Variants in ATG13 observed in about 807,000 individuals in gnomAD.
The protein encoded by ATG13 is autophagy related 13, also known as autophagy-related protein 13.
A neutral mutation model predicts 65.5 loss-of-function variants in ATG13; 23 were observed. The ratio of observed to expected loss-of-function variants is 0.35; its 90% CI spans 0.25 to 0.50. The LOEUF is 0.50. Ranked by LOEUF, ATG13 falls within the 20% of genes least tolerant of loss-of-function variation. The pLI is 0.98. For synonymous variants in ATG13, 252 were observed against 245.2 expected (o/e 1.03, Z -0.26); for missense variants, 566 against 677.0 (o/e 0.84, Z 1.82).
intron 1 of ATG13, among the ~76,000 whole-genome samples, chr11:46,627,413 A>G (rs1784524388): frequency 1.3e-5 from 2 of 152,102 alleles, no homozygotes; most frequent in Admixed American, 1.3e-4. Context: ...GAAATGTAAA[A>G]TTATAAATTA....
rs1475427116 is a variant in ATG13, at chr11:46,668,584, C to A, written c.1329+8C>A. 6.2e-7 allele frequency: 1 copy of A among 1,613,360 alleles called. No individual in the cohort carries two copies. Among genetic ancestry groups the A allele is most frequent in the Non-Finnish European group, 8.5e-7 (1 of 1,179,360 alleles). ...GAGGATACCGATCCAATGGTGAGCC[C>A]ACCGTTGACTACGAGTTCCCAGTAG... On this transcript the variant is annotated splice_region_variant and intron_variant, in intron 16 of 18. Coordinates refer to ENST00000683050, the MANE Select transcript of ATG13 (RefSeq NM_001346311.2).
intron 2 of ATG13, among the ~76,000 whole-genome samples, chr11:46,641,065 A>G (rs547951312): frequency 6.6e-6 from 1 of 152,324 alleles, no homozygotes; most frequent in Non-Finnish European, 1.5e-5. Context: ...AATGTTTATC[A>G]TCAGTAGAAT....
At chr11:46,621,750 A>G (rs770311566) in intron 1 of ATG13, among the ~76,000 whole-genome samples, 1 of 152,036 alleles carries the variant, frequency 6.6e-6, no homozygotes, top group Non-Finnish European at 1.5e-5. Context: ...GGCTTTATGC[A>G]GGGTACAGGG....
chr11:46,665,608 G>A (rs2062135565), intron 14 of ATG13, 89 bp downstream of exon 14: 2 of 1,496,916 alleles, frequency 1.3e-6, no homozygotes, highest in Non-Finnish European at 1.8e-6. Context: ...TTAGTAAAGA[G>A]TAACTTTCAG....
Position 46,664,970 on chromosome 11 carries a change from A to T in ATG13, c.999+11A>T. Reference sequence around the variant, plus strand: ...ACACACCCTCACCAGGTATCTTTAAAGATGGGGAGGACTATGGGTTTCCAG... The same window carrying T: ...ACACACCCTCACCAGGTATCTTTAATGATGGGGAGGACTATGGGTTTCCAG... On this transcript the variant is annotated intron_variant, in intron 13 of 18. Transcript: ENST00000683050. The T allele has an allele frequency of 6.2e-7, 1 of 1,610,150 alleles. No homozygotes were observed. Among genetic ancestry groups the T allele is most frequent in the Non-Finnish European group, 8.5e-7 (1 of 1,176,444 alleles).
chr11:46,668,726 C>T, intron 16 of ATG13, 68 bp from the exon 17 acceptor site: 1 of 1,510,714 alleles, frequency 6.6e-7, no homozygotes, highest in Admixed American at 1.7e-5. Context: ...CCAGAATTTT[C>T]AGATTGTTTA....
Position 46,672,520 on chromosome 11 carries a change from C to T in ATG13, c.*188C>T. 1 of 1,466,474 alleles carries T rather than the reference C, an allele frequency of 6.8e-7. No individual in the cohort carries two copies. Among genetic ancestry groups the T allele is most frequent in the Non-Finnish European group, 9.0e-7 (1 of 1,110,110 alleles). The allele number at this position is 1,466,474 out of a possible 1,614,324, so 90.8% of individuals were successfully genotyped here. The stretch of plus-strand genomic sequence containing the variant: ...GAGACTCCGTGGCGGCAGTCAAGCC[C>T]AGTGCCCAGTTGGAGAAGACTCACG... On this transcript the variant is annotated 3_prime_UTR_variant, in exon 19 of 19. Transcript: ENST00000683050.
chr11:46,650,362 C>A (rs372339614), intron 7 of ATG13, 45 bp downstream of exon 7: 61 of 1,578,992 alleles, frequency 3.9e-5, no homozygotes, highest in Non-Finnish European at 5.0e-5. Context: ...TCAACCCCCT[C>A]ACTTTGTACA....
intron 14 of ATG13, 105 bp downstream of exon 14, chr11:46,665,624 G>A (rs990942080): frequency 2.8e-6 from 4 of 1,425,546 alleles, no homozygotes; most frequent in Non-Finnish European, 3.8e-6. Flanking sequence ...TTCAGCATTG[G>A]CTGGGACATG....
intron 7 of ATG13, 38 bp downstream of exon 7, chr11:46,650,355 A>G (rs1401292556): frequency 1.0e-5 from 16 of 1,588,830 alleles, no homozygotes; most frequent in Middle Eastern, 1.7e-4. Flanking sequence ...TCACTCATCA[A>G]CCCCCTCACT....
chr11:46,653,859 G>A (rs995948982), intron 7 of ATG13, among the ~76,000 whole-genome samples: 6 of 152,020 alleles, frequency 3.9e-5, no homozygotes, highest in South Asian at 4.1e-4. Context: ...GTGAGCCACC[G>A]CGCCTGGCGA....
rs1357591633 is a variant in ATG13, at chr11:46,668,783, C to A, written c.1330-11C>A. The A allele has an allele frequency of 1.2e-6, 2 of 1,603,404 alleles. No individual in the cohort carries two copies. The highest frequency in any genetic ancestry group is 1.7e-6 in the Non-Finnish European group (2 of 1,171,368). On this transcript the variant is annotated splice_polypyrimidine_tract_variant and intron_variant, in intron 16 of 18. Transcript: ENST00000683050. ...CAGCATCAGCCCTAATCCTGCCTTG[C>A]TATGAAACAGGTGAATCCTCCAGAT...
intron 5 of ATG13, 127 bp from the exon 6 acceptor site, chr11:46,649,010 C>T (rs372910780): frequency 2.8e-5 from 20 of 710,150 alleles, no homozygotes; most frequent in Middle Eastern, 4.1e-4. Context: ...GAGGCTTGTT[C>T]GATTATAAGT....
chr11:46,638,673 A>T (rs2054833458), intron 2 of ATG13: 1 of 152,188 alleles, frequency 6.6e-6, no homozygotes, highest in African/African-American at 2.4e-5. Flanking sequence ...GAGTGAGATC[A>T]TGCAGTATTT....
Position 46,659,378 on chromosome 11 carries a change from T to A in ATG13, c.696-14T>A. On this transcript the variant is annotated splice_polypyrimidine_tract_variant and intron_variant, in intron 10 of 18. Transcript: ENST00000683050. Reference sequence around the variant, plus strand: ...ACCACCATAAAATTCATTATTTCTTTCTTTTCACTTTAGAACTGCTGGTGA... The same window carrying A: ...ACCACCATAAAATTCATTATTTCTTACTTTTCACTTTAGAACTGCTGGTGA... 6.3e-7 allele frequency: 1 copy of A among 1,597,374 alleles called. No individual in the cohort carries two copies. Among genetic ancestry groups the A allele is most frequent in the Non-Finnish European group, 8.6e-7 (1 of 1,165,742 alleles).
intron 7 of ATG13, among the ~76,000 whole-genome samples, chr11:46,653,283 G>A (rs1452491447): frequency 2.0e-5 from 3 of 148,286 alleles, no homozygotes; most frequent in Non-Finnish European, 3.0e-5. Flanking sequence ...AGTGATTGTC[G>A]TGCCTCAGCC....
chr11:46,653,118 G>A (rs1416338315), intron 7 of ATG13, among the ~76,000 whole-genome samples: 3 of 148,466 alleles, frequency 2.0e-5, no homozygotes, highest in Non-Finnish European at 4.5e-5. Flanking sequence ...TCTTTTGTCT[G>A]TCGTATCTGT....
intron 5 of ATG13, among the ~76,000 whole-genome samples, chr11:46,646,258 C>T (rs922712873): frequency 2.6e-5 from 4 of 151,566 alleles, no homozygotes; most frequent in African/African-American, 9.7e-5. Flanking sequence ...AAGTGATTCT[C>T]CTGCCTCAGC....
intron 15 of ATG13, 84 bp downstream of exon 15, chr11:46,667,971 T>C: frequency 9.4e-7 from 1 of 1,068,924 alleles, no homozygotes; most frequent in Non-Finnish European, 1.4e-6. Flanking sequence ...ACCTGAGATA[T>C]TAATATATAT....
Sources: allele counts gnomAD v4.1 joint callset (sites outside exome capture counted in the v4.1 genomes callset), GRCh38; gene constraint gnomAD v4.1.1; transcripts MANE v1.5; gene names NCBI Gene and HGNC (gene_info 2026-07-23, HGNC 2026-07-21).